COL4A3: variants seen among roughly 807,000 people sequenced by gnomAD.
The protein encoded by COL4A3 is collagen alpha-3(IV) chain.
Under a neutral mutation model 217.4 loss-of-function variants are expected in COL4A3, and 135 were observed. The observed-to-expected ratio is 0.62, with a 90% confidence interval of 0.54 to 0.72. The LOEUF is 0.72. Among genes scored for constraint, COL4A3 ranks in the 30% least tolerant of loss-of-function variants. The probability of loss-of-function intolerance (pLI) is 0.00; values close to 1 mark genes in which losing one functional copy is unlikely to be tolerated. For synonymous variants in COL4A3, 690 were observed against 736.3 expected (o/e 0.94, Z 1.02); for missense variants, 1,868 against 2,119.9 (o/e 0.88, Z 2.33).
chr2:227,222,471 A>G (rs6729143), intron 1 of COL4A3: 108,168 of 151,824 alleles, frequency 0.71, 38,787 homozygotes, highest in Non-Finnish European at 0.75. Flanking sequence ...TCCTCTCCCC[A>G]ACACTGTGAA....
intron 1 of COL4A3, among the ~76,000 whole-genome samples, chr2:227,219,347 C>G (rs540259458): frequency 6.6e-6 from 1 of 152,276 alleles, no homozygotes; most frequent in East Asian, 1.9e-4. Context: ...TCCATTTGCT[C>G]TGCCACCTGG....
At chr2:227,291,589 A>AG (rs2072741042) in intron 37 of COL4A3, among the ~76,000 whole-genome samples, 1 of 34,298 alleles carries the variant, frequency 2.9e-5, no homozygotes, top group African/African-American at 7.9e-5. Flanking sequence ...ACAAAAAAAA[A>AG]AAACAAAAAA....
At chr2:227,182,440 A>G (rs947417845) in intron 1 of COL4A3, among the ~76,000 whole-genome samples, 1 of 152,160 alleles carries the variant, frequency 6.6e-6, no homozygotes, top group Non-Finnish European at 1.5e-5. Context: ...GTTTTTCTAG[A>G]CCACTCTACT....
In COL4A3 at chr2:227,254,169, C is replaced by A. The variant is rs1294995743; in HGVS notation, c.823C>A (p.Pro275Thr). 6.2e-7 allele frequency: 1 copy of A among 1,613,198 alleles called. No individual in the cohort carries two copies. Among genetic ancestry groups the A allele is most frequent in the Non-Finnish European group, 8.5e-7 (1 of 1,179,302 alleles). Residue 275 changes from proline to threonine, a missense_variant, in exon 14 of 52, where the codon CCC becomes ACC. Physicochemically the swap from Pro to Thr is conservative, Grantham distance 38. This residue lies in a region of COL4A3 where 1,503 missense variants were observed against 1,786.1 expected (regional missense o/e 0.84). Transcript: ENST00000396578. ...AATGGGCGAGCCTGGACCTCCTGGA[C>A]CCTCAGTAGGTTATTTAAAGTTATA... ...GAMGEPGPPG[P>T]SGLPGESYGS... is the part of the protein sequence containing the mutation.
chr2:227,254,195 T>C (rs1246484869), intron 14 of COL4A3, 21 bp downstream of exon 14: 6 of 1,603,882 alleles, frequency 3.7e-6, no homozygotes, highest in Admixed American at 3.3e-5. Flanking sequence ...TAAAGTTATA[T>C]TGTCCCCATA....
At chr2:227,209,531 T>A (rs1015311436) in intron 1 of COL4A3, among the ~76,000 whole-genome samples, 3 of 152,170 alleles carry the variant, frequency 2.0e-5, no homozygotes, top group Non-Finnish European at 4.4e-5. Context: ...ACCTCCTCTG[T>A]GTTAGAACAT....
chr2:227,220,134 T>TTG (rs1359850522), intron 1 of COL4A3, among the ~76,000 whole-genome samples: 2 of 98,260 alleles, frequency 2.0e-5, no homozygotes, highest in African/African-American at 3.8e-5. Flanking sequence ...TAAGGCGGTT[T>TTG]TATGTGTGTG....
At position 227,245,842 on chromosome 2, in the gene COL4A3, T is replaced by C. The variant is rs1452948727; in HGVS notation, c.325-112T>C. On this transcript the variant is annotated intron_variant, in intron 5 of 51. Transcript: ENST00000396578. ...ACAATGTACATTTACTACTTAACCA[T>C]TTAAACAATCATTTATATTTCAAGA... 5 of 851,902 alleles carry C rather than the reference T, an allele frequency of 5.9e-6. No homozygotes were observed. In the African/African-American group the frequency reaches 6.6e-5, roughly 11 times the overall value. The allele number at this position is 851,902 out of a possible 1,614,324, so 52.8% of individuals were successfully genotyped here.
intron 1 of COL4A3, among the ~76,000 whole-genome samples, chr2:227,185,050 C>T (rs558586673): frequency 6.4e-4 from 97 of 151,858 alleles, no homozygotes; most frequent in South Asian, 1.5e-3. Context: ...TACAGGCGCC[C>T]GCCACACGCC....
chr2:227,206,108 C>T (rs1409104079), intron 1 of COL4A3, among the ~76,000 whole-genome samples: 1 of 151,992 alleles, frequency 6.6e-6, no homozygotes, highest in Non-Finnish European at 1.5e-5. Flanking sequence ...GAGTCTCACT[C>T]TGTTGCCCAG....
intron 1 of COL4A3, among the ~76,000 whole-genome samples, chr2:227,166,694 T>G (rs1043704444): frequency 6.6e-6 from 1 of 152,220 alleles, no homozygotes; most frequent in African/African-American, 2.4e-5. Flanking sequence ...CATTAACAAG[T>G]TTTCAGGATT....
At chr2:227,308,664 T>C (rs1187380463) in intron 48 of COL4A3, among the ~76,000 whole-genome samples, 1 of 152,244 alleles carries the variant, frequency 6.6e-6, no homozygotes, top group East Asian at 1.9e-4. Flanking sequence ...CTAAATCGAT[T>C]AGAAAGAGCC....
In COL4A3 at chr2:227,309,226, G is replaced by A. The variant is rs774089446; in HGVS notation, c.4663G>A (p.Ala1555Thr). The change falls in exon 50 of 52, where the codon GCG becomes ACG. Residue 1555 changes from alanine (A) to threonine (T), a missense_variant. Ala to Thr is a moderately conservative substitution (Grantham distance 58, BLOSUM62 0). This residue lies in a region of COL4A3 where 1,503 missense variants were observed against 1,786.1 expected (regional missense o/e 0.84). Transcript: ENST00000396578. ...ISRCTVCEGP[A>T]IAIAVHSQTT... ...CAGATGCACTGTTTGTGAAGGTCCT[G>A]CGATCGCCATAGCCGTTCACAGCCA... 6.2e-6 allele frequency: 10 copies of A among 1,614,088 alleles called. No individual in the cohort carries two copies. The East Asian group carries it at 2.0e-4, about 32-fold the overall frequency.
At chr2:227,230,417 G>A (rs1201096933) in intron 1 of COL4A3, among the ~76,000 whole-genome samples, 1 of 152,116 alleles carries the variant, frequency 6.6e-6, no homozygotes, top group Non-Finnish European at 1.5e-5. Flanking sequence ...ATTCCATTAA[G>A]ATATGAGGAA....
At chr2:227,213,118 A>G (rs1395290625) in intron 1 of COL4A3, among the ~76,000 whole-genome samples, 1 of 152,222 alleles carries the variant, frequency 6.6e-6, no homozygotes, top group Non-Finnish European at 1.5e-5. Flanking sequence ...AGGCAAATCA[A>G]GGTCACAGTG....
chr2:227,237,949 T>G lies in COL4A3; in HGVS notation c.88-19T>G, dbSNP rs2068789422. ...TCAGCTGTTTCTAAACAAAACCCTT[T>G]CTCTTTCCCTCTTCCTAGGGTTGTG... On this transcript the variant is annotated intron_variant, in intron 1 of 51. Coordinates refer to ENST00000396578, the MANE Select transcript of COL4A3 (RefSeq NM_000091.5). 4.4e-6 allele frequency: 7 copies of G among 1,596,694 alleles called. No individual in the cohort carries two copies. Among genetic ancestry groups the G allele is most frequent in the Middle Eastern group, 1.7e-4 (1 of 6,038 alleles).
chr2:227,203,480 C>CAT (rs72210864), intron 1 of COL4A3, among the ~76,000 whole-genome samples: 5,060 of 20,774 alleles, frequency 0.24, 2,152 homozygotes, highest in Non-Finnish European at 0.27. Flanking sequence ...TATGTGTATA[C>CAT]ATATGTGTGT....
rs553107141 is a variant in COL4A3, at chr2:227,311,769, G to A, written c.4929-17G>A. The A allele has an allele frequency of 3.0e-5, 48 of 1,609,156 alleles. 1 individual carries two copies. Among genetic ancestry groups the A allele is most frequent in the East Asian group, 1.8e-4 (8 of 44,828 alleles). On this transcript the variant is annotated splice_polypyrimidine_tract_variant and intron_variant, in intron 51 of 51. Transcript: ENST00000396578. ...ATGCATAAATAAATGAATTTTTTTG[G>A]TTTGTTTTTATTTCAGAAAGCCTAT...
intron 1 of COL4A3, among the ~76,000 whole-genome samples, chr2:227,213,926 G>GA (rs2067428003): frequency 2.1e-5 from 3 of 140,646 alleles, no homozygotes; most frequent in East Asian, 2.1e-4. Flanking sequence ...AAAAGAAAAA[G>GA]AAAAAGAAAA....
Sources: gnomAD v4.1 joint callset for allele counts (sites outside exome capture counted in the v4.1 genomes callset) on GRCh38, gnomAD v4.1.1 for gene constraint, gnomAD v4.1.1 regional missense constraint, MANE v1.5 for transcripts, NCBI Gene and HGNC (gene_info 2026-07-23, HGNC 2026-07-21) for gene names.